The following SAMD5 variants were observed in gnomAD, a reference collection of about 807,000 sequenced individuals.
SAMD5 encodes sterile alpha motif domain containing 5.
A neutral mutation model predicts 11.3 loss-of-function variants in SAMD5; 13 were observed. The ratio of observed to expected loss-of-function variants is 1.15; its 90% CI spans 0.75 to 1.83. The LOEUF is 1.83. Ranked by LOEUF, SAMD5 falls within the 40% of genes most tolerant of loss-of-function variation. SAMD5 has a pLI of 0.00. For synonymous variants in SAMD5, 129 were observed against 111.3 expected (o/e 1.16, Z -1.00); for missense variants, 255 against 239.1 (o/e 1.07, Z -0.44).
chr6:147,565,463 A>AT lies in SAMD5; in HGVS notation c.*1007_*1008insT. ...ATCGTTCTTGTGTTTGGATGCTGGT[A>AT]GTTTTTTTTTTTTTAGACAGAGTCT... On this transcript the variant is annotated 3_prime_UTR_variant, in exon 2 of 2. Transcript: ENST00000367474. 5 of 870,182 alleles carry AT rather than the reference A, an allele frequency of 5.7e-6. No individual in the cohort carries two copies. Among genetic ancestry groups the AT allele is most frequent in the Non-Finnish European group, 4.0e-6 (3 of 743,080 alleles). 53.9% of individuals were successfully genotyped at this position (870,182 alleles called of 1,614,324 possible).
At chr6:147,562,522 C>T (rs939334437) in intron 1 of SAMD5, among the ~76,000 whole-genome samples, 2 of 152,120 alleles carry the variant, frequency 1.3e-5, no homozygotes, top group Non-Finnish European at 2.9e-5. Context: ...TTTATTAGAG[C>T]ATTAAAAACC....
chr6:147,898,668 C>T, the SAMD5 span, among the ~76,000 whole-genome samples: 1 of 152,282 alleles, frequency 6.6e-6, no homozygotes, highest in East Asian at 1.9e-4. Flanking sequence ...CATATAATTT[C>T]TGTAGTTTAC....
the SAMD5 span, among the ~76,000 whole-genome samples, chr6:147,874,880 G>A: frequency 0.17 from 25,551 of 151,886 alleles, 3,337 homozygotes; most frequent in African/African-American, 0.37. Flanking sequence ...GATTCGGGCA[G>A]GACTTTGAAA....
the SAMD5 span, among the ~76,000 whole-genome samples, chr6:147,911,675 C>T: frequency 1.3e-5 from 2 of 152,240 alleles, no homozygotes; most frequent in Admixed American, 6.5e-5. Context: ...CAAGACAGTG[C>T]CAAGCCTTTG....
intron 1 of SAMD5, among the ~76,000 whole-genome samples, chr6:147,698,065 G>A (rs1417648850): frequency 2.0e-5 from 3 of 152,254 alleles, no homozygotes; most frequent in East Asian, 3.9e-4. Context: ...CCCCGCACAC[G>A]CAGTTCACAG....
intron 1 of SAMD5, among the ~76,000 whole-genome samples, chr6:147,575,699 A>G (rs1176180352): frequency 1.3e-5 from 2 of 152,242 alleles, no homozygotes; most frequent in African/African-American, 4.8e-5. Flanking sequence ...ACTCAGAATA[A>G]GAATATCTTT....
intron 1 of SAMD5, among the ~76,000 whole-genome samples, chr6:147,629,405 T>G (rs1215751366): frequency 6.6e-6 from 1 of 151,956 alleles, no homozygotes; most frequent in Non-Finnish European, 1.5e-5. Flanking sequence ...CTCAAAAGGG[T>G]AGAATGACAA....
chr6:147,656,075 C>T (rs1790561917), intron 1 of SAMD5, among the ~76,000 whole-genome samples: 1 of 152,000 alleles, frequency 6.6e-6, no homozygotes, highest in Non-Finnish European at 1.5e-5. Flanking sequence ...GTATTTAAGA[C>T]CATGAGATAG....
the SAMD5 span, among the ~76,000 whole-genome samples, chr6:147,837,113 C>T: frequency 3.3e-5 from 5 of 152,214 alleles, no homozygotes; most frequent in African/African-American, 1.2e-4. Context: ...AGTATTGTCT[C>T]GATAATTATT....
At chr6:147,801,545 G>A in the SAMD5 span, among the ~76,000 whole-genome samples, 1 of 152,204 alleles carries the variant, frequency 6.6e-6, no homozygotes, top group African/African-American at 2.4e-5. Flanking sequence ...TGCTCTTTGG[G>A]AGGACAAGAC....
the SAMD5 span, among the ~76,000 whole-genome samples, chr6:147,941,498 C>T: frequency 2.4e-4 from 37 of 152,306 alleles, 1 homozygote; most frequent in African/African-American, 7.5e-4. Context: ...CAACTGCTTA[C>T]ATTTCAGTTT....
At chr6:147,815,410 C>T in the SAMD5 span, among the ~76,000 whole-genome samples, 3 of 152,262 alleles carry the variant, frequency 2.0e-5, no homozygotes, top group East Asian at 5.8e-4. Flanking sequence ...CATAAAACCC[C>T]ATCAGTGTGC....
the SAMD5 span, among the ~76,000 whole-genome samples, chr6:147,893,159 G>T: frequency 3.2e-4 from 49 of 150,818 alleles, no homozygotes; most frequent in South Asian, 2.5e-3. Flanking sequence ...CCAAGATCAC[G>T]CTATTGCACT....
chr6:147,855,312 T>G, the SAMD5 span, among the ~76,000 whole-genome samples: 1 of 152,136 alleles, frequency 6.6e-6, no homozygotes, highest in Non-Finnish European at 1.5e-5. Context: ...TCAGGACCAC[T>G]GGAGGAATAT....
chr6:147,845,797 T>C, the SAMD5 span, among the ~76,000 whole-genome samples: 18 of 152,346 alleles, frequency 1.2e-4, no homozygotes, highest in Non-Finnish European at 1.3e-4. Flanking sequence ...AATGTTTCAA[T>C]CACTCTGGAA....
At chr6:147,716,554 A>G (rs1410367581) in intron 1 of SAMD5, among the ~76,000 whole-genome samples, 2 of 152,194 alleles carry the variant, frequency 1.3e-5, no homozygotes, top group Non-Finnish European at 2.9e-5. Flanking sequence ...CTGGGCAGCC[A>G]CAGCTGCACC....
chr6:147,569,231 A>G lies in SAMD5; in HGVS notation c.*4775A>G, dbSNP rs202033436. 427 of 351,104 alleles carry G rather than the reference A, an allele frequency of 1.2e-3. 1 individual carries two copies. Among genetic ancestry groups the G allele is most frequent in the African/African-American group, 8.7e-3 (369 of 42,432 alleles). The allele number at this position is 351,104 out of a possible 1,614,324, so 21.7% of individuals were successfully genotyped here. ...GTGAGACTCTGTCTAAAAAAAAAAAAAAAAGAAAAGAAAAAAGAAAAATTG... is the reference window on the plus strand; with the variant it reads ...GTGAGACTCTGTCTAAAAAAAAAAAGAAAAGAAAAGAAAAAAGAAAAATTG... On this transcript the variant is annotated 3_prime_UTR_variant, in exon 2 of 2. Transcript: ENST00000367474.
chr6:147,840,706 A>T, the SAMD5 span, among the ~76,000 whole-genome samples: 1 of 152,238 alleles, frequency 6.6e-6, no homozygotes, highest in South Asian at 2.1e-4. Context: ...ATTCTTTGTA[A>T]CTCAGTTTCT....
At chr6:147,692,291 C>T (rs1277166149) in intron 1 of SAMD5, 1 of 152,124 alleles carries the variant, frequency 6.6e-6, no homozygotes, top group Non-Finnish European at 1.5e-5. Flanking sequence ...TCTTAAATCC[C>T]TCATGATGCA....
Sources: gnomAD v4.1 joint callset for allele counts (sites outside exome capture counted in the v4.1 genomes callset) on GRCh38, gnomAD v4.1.1 for gene constraint, MANE v1.5 for transcripts, NCBI Gene and HGNC (gene_info 2026-07-23, HGNC 2026-07-21) for gene names.